ENOX2: variants seen among roughly 807,000 people sequenced by gnomAD.
The protein encoded by ENOX2 is ecto-NOX disulfide-thiol exchanger 2.
A neutral mutation model predicts 45.0 loss-of-function variants in ENOX2; 36 were observed. The ratio of observed to expected loss-of-function variants is 0.80; its 90% confidence interval spans 0.61 to 1.06. The LOEUF is 1.06. Among genes scored for constraint, ENOX2 ranks in the 50% least tolerant of loss-of-function variants. The pLI is 0.00. For missense variants in ENOX2, 423 were observed against 462.5 expected, an observed-to-expected ratio of 0.91 and a Z score of 0.78; for synonymous variants, 174 against 152.3, an observed-to-expected ratio of 1.14 and a Z score of -1.05.
chrX:130,817,450 G>A (rs2077510306), intron 2 of ENOX2, among the ~76,000 whole-genome samples: 1 of 111,479 alleles, frequency 9.0e-6, no homozygotes, highest in Non-Finnish European at 1.9e-5. Flanking sequence ...CCAAAACCTG[G>A]CAGAGACACA....
chrX:130,815,674 A>G (rs905515796), intron 2 of ENOX2, among the ~76,000 whole-genome samples: 53 of 111,954 alleles, frequency 4.7e-4, no homozygotes, highest in Admixed American at 1.9e-4. Flanking sequence ...GAGAAATAAA[A>G]TCCTTTAAAG....
intron 2 of ENOX2, among the ~76,000 whole-genome samples, chrX:130,798,158 G>A (rs1440847385): frequency 2.7e-5 from 3 of 111,903 alleles, no homozygotes; most frequent in Non-Finnish European, 5.6e-5. Context: ...GCTCACGCCT[G>A]TGATACCAGC....
At chrX:130,627,924 T>TC in intron 14 of ENOX2, 34 bp downstream of exon 14, 1 of 1,022,120 alleles carries the variant, frequency 9.8e-7, no homozygotes, top group Non-Finnish European at 1.4e-6. Context: ...AAATCCCACA[T>TC]CCCCTTGCAT....
intron 4 of ENOX2, among the ~76,000 whole-genome samples, chrX:130,698,057 T>A (rs1364350291): frequency 9.0e-6 from 1 of 111,643 alleles, no homozygotes; most frequent in Non-Finnish European, 1.9e-5. Context: ...GTCTCTATTA[T>A]GTTGACCAGC....
In ENOX2 at chrX:130,719,460, GA is replaced by G. The variant is rs1218133442; in HGVS notation, c.-38-16207del. On this transcript the variant is annotated intron_variant, in intron 3 of 14. Transcript: ENST00000394363. The stretch of plus-strand genomic sequence containing the variant: ...CAGCCACATGCCCATCTGCTGCTAA[GA>G]AAAAAAAAAAAAAAAAAACCAGACA... Among the ~76,000 whole-genome samples the G allele has an allele frequency of 5.8e-3, 349 of 59,818 alleles. 2 individuals are homozygous for G. The highest frequency in any genetic ancestry group is 0.047 in the Middle Eastern group (5 of 106). 51.9% of individuals were successfully genotyped at this position (59,818 alleles called of 115,157 possible).
chrX:130,817,170 CA>C (rs1328085382), intron 2 of ENOX2, among the ~76,000 whole-genome samples: 3 of 111,291 alleles, frequency 2.7e-5, no homozygotes, highest in Non-Finnish European at 5.7e-5. Flanking sequence ...AAATCTGGAA[CA>C]AATGGATAAA....
chrX:130,643,194 T>C (rs2036136657), intron 10 of ENOX2, among the ~76,000 whole-genome samples: 1 of 110,446 alleles, frequency 9.1e-6, no homozygotes, highest in Non-Finnish European at 1.9e-5. Flanking sequence ...AAAGTATAAA[T>C]GATATGATAA....
At chrX:130,754,662 C>T (rs756274696) in intron 3 of ENOX2, among the ~76,000 whole-genome samples, 7 of 110,642 alleles carry the variant, frequency 6.3e-5, no homozygotes, top group Admixed American at 2.9e-4. Context: ...TGCATTTTCT[C>T]ACTTATAAGT....
In ENOX2 at chrX:130,792,569, T is replaced by G. The variant is rs370923494; in HGVS notation, c.-182-8879A>C. ...CAGCACTTTGGGAGGCCGAGGTGGGTGGATCACGAGGTCGGGAGTTCGAGA... is the reference window on the plus strand; with the variant it reads ...CAGCACTTTGGGAGGCCGAGGTGGGGGGATCACGAGGTCGGGAGTTCGAGA... On this transcript the variant is annotated intron_variant, in intron 2 of 14. Coordinates refer to ENST00000394363, the MANE Select transcript of ENOX2 (RefSeq NM_006375.4). Among the ~76,000 whole-genome samples, 5 of 110,786 alleles carry G rather than the reference T, an allele frequency of 4.5e-5. No homozygotes were observed. In the East Asian group the frequency reaches 1.4e-3, roughly 31 times the overall value.
At chrX:130,833,127 C>T (rs112722100) in intron 2 of ENOX2, among the ~76,000 whole-genome samples, 2,023 of 110,223 alleles carry the variant, frequency 0.018, 42 homozygotes, top group African/African-American at 0.062. Context: ...TAGCATTGCA[C>T]ATTTAAAATA....
chrX:130,850,549 T>G (rs1182331505), intron 2 of ENOX2, among the ~76,000 whole-genome samples: 1 of 111,955 alleles, frequency 8.9e-6, no homozygotes, highest in African/African-American at 3.2e-5. Context: ...CAAATGGTGA[T>G]ATTAGAATAA....
chrX:130,705,371 C>T (rs1176565159), intron 3 of ENOX2, among the ~76,000 whole-genome samples: 3 of 111,545 alleles, frequency 2.7e-5, no homozygotes, highest in Admixed American at 9.5e-5. Flanking sequence ...TAATTAGGGG[C>T]GGGATAAGTG....
chrX:130,673,477 T>TG (rs1189691631), intron 6 of ENOX2, among the ~76,000 whole-genome samples: 1 of 106,418 alleles, frequency 9.4e-6, no homozygotes, highest in African/African-American at 3.4e-5. Context: ...ATAGAGATCT[T>TG]GAAAAAAAAA....
intron 3 of ENOX2, among the ~76,000 whole-genome samples, chrX:130,733,493 G>A (rs2038787873): frequency 9.0e-6 from 1 of 111,430 alleles, no homozygotes; most frequent in Admixed American, 9.5e-5. Flanking sequence ...GAAGACTTAA[G>A]TTCACACAAA....
chrX:130,819,437 C>A, intron 2 of ENOX2, among the ~76,000 whole-genome samples: 1 of 112,071 alleles, frequency 8.9e-6, no homozygotes, highest in Non-Finnish European at 1.9e-5. Flanking sequence ...ATGTTTATTG[C>A]AGCACTATTG....
At chrX:130,867,655 G>T (rs1260978497) in intron 2 of ENOX2, among the ~76,000 whole-genome samples, 2 of 111,760 alleles carry the variant, frequency 1.8e-5, no homozygotes, top group Admixed American at 9.5e-5. Flanking sequence ...AGCTCATGGT[G>T]GCAGATACGT....
intron 2 of ENOX2, among the ~76,000 whole-genome samples, chrX:130,856,796 T>C (rs2078314380): frequency 9.0e-6 from 1 of 111,554 alleles, no homozygotes; most frequent in Non-Finnish European, 1.9e-5. Flanking sequence ...TTAAATCATA[T>C]AGAACATCTT....
At chrX:130,772,734 C>G (rs1217049136) in intron 3 of ENOX2, among the ~76,000 whole-genome samples, 1 of 111,818 alleles carries the variant, frequency 8.9e-6, no homozygotes, top group East Asian at 2.8e-4. Context: ...TAAACTACAC[C>G]AAGCATCTTC....
chrX:130,821,173 T>G (rs1417977280), intron 2 of ENOX2, among the ~76,000 whole-genome samples: 1 of 111,152 alleles, frequency 9.0e-6, no homozygotes, highest in African/African-American at 3.3e-5. Flanking sequence ...TTTGAGCTCA[T>G]TCTTAAAGAA....
Sources: allele counts gnomAD v4.1 joint callset (sites outside exome capture counted in the v4.1 genomes callset), GRCh38; gene constraint gnomAD v4.1.1; transcripts MANE v1.5; gene names NCBI Gene and HGNC (gene_info 2026-07-23, HGNC 2026-07-21).